Variants in EPM2A observed in about 807,000 individuals in gnomAD.
EPM2A encodes the protein EPM2A glucan phosphatase, laforin.
In EPM2A, 21 loss-of-function variants were observed where a neutral mutation model predicts 26.5. That is an observed-to-expected ratio of 0.79 (90% CI 0.56 to 1.14). EPM2A has a LOEUF of 1.14. Ranked by LOEUF, EPM2A falls within the 50% of genes most tolerant of loss-of-function variation. EPM2A has a pLI of 0.00. For missense variants in EPM2A, 458 were observed against 440.8 expected (o/e 1.04, Z -0.35); for synonymous variants, 217 against 177.6 (o/e 1.22, Z -1.76).
chr6:145,649,763 C>T lies in EPM2A; in HGVS notation c.477-14277G>A, dbSNP rs1406311023. 4.6e-5 allele frequency among the ~76,000 whole-genome samples: 7 copies of T among 152,188 alleles called. No homozygotes were observed. In the East Asian group the frequency reaches 1.3e-3, roughly 29 times the overall value. On this transcript the variant is annotated intron_variant, in intron 2 of 3. Transcript: ENST00000367519. ...CCACACTCATTTGTTTACATATTGT[C>T]ACAGCTACTTTCCCACTGCAAAGAG... is the stretch of plus-strand genomic sequence containing the variant.
chr6:145,493,474 T>G (rs1252654495), intron 4 of EPM2A, among the ~76,000 whole-genome samples: 3 of 152,232 alleles, frequency 2.0e-5, no homozygotes, highest in East Asian at 3.9e-4. Context: ...TTGAATGCCC[T>G]TTATTTCTTT....
At chr6:145,690,495 C>T (rs569392566) in intron 1 of EPM2A, among the ~76,000 whole-genome samples, 90 of 118,668 alleles carry the variant, frequency 7.6e-4, no homozygotes, top group African/African-American at 2.4e-3. Flanking sequence ...CCGGCCTGGG[C>T]GACAGAGCGA....
chr6:145,667,907 C>T lies in EPM2A; in HGVS notation c.476+18215G>A, dbSNP rs924717983. 7.3e-5 allele frequency among the ~76,000 whole-genome samples: 11 copies of T among 150,668 alleles called. No individual in the cohort carries two copies. The South Asian group carries it at 1.3e-3, about 17-fold the overall frequency. Reference sequence around the variant, plus strand: ...GAAATCATCATTCTCAGTAAACTATCGCAAGAACAAAAAACCAAACACCGT... The same window carrying T: ...GAAATCATCATTCTCAGTAAACTATTGCAAGAACAAAAAACCAAACACCGT... On this transcript the variant is annotated intron_variant, in intron 2 of 3. Coordinates refer to ENST00000367519, the MANE Select transcript of EPM2A (RefSeq NM_005670.4).
intron 4 of EPM2A, among the ~76,000 whole-genome samples, chr6:145,484,823 C>A (rs1436254547): frequency 3.3e-5 from 5 of 151,496 alleles, no homozygotes; most frequent in Non-Finnish European, 7.4e-5. Context: ...ATCCCCAAGT[C>A]ATGGCTGCCT....
At chr6:145,562,635 G>A (rs1419517894) in intron 2 of EPM2A, among the ~76,000 whole-genome samples, 2 of 152,008 alleles carry the variant, frequency 1.3e-5, no homozygotes, top group African/African-American at 2.4e-5. Flanking sequence ...TAGAATTCAG[G>A]TCTGGGGAGG....
intron 2 of EPM2A, among the ~76,000 whole-genome samples, chr6:145,580,858 T>C (rs189269143): frequency 2.6e-5 from 4 of 152,336 alleles, no homozygotes; most frequent in Admixed American, 2.0e-4. Flanking sequence ...CTCATTCTTT[T>C]CTATGGCTGC....
At chr6:145,663,117 G>T (rs1778854138) in intron 2 of EPM2A, among the ~76,000 whole-genome samples, 1 of 152,170 alleles carries the variant, frequency 6.6e-6, no homozygotes, top group Non-Finnish European at 1.5e-5. Flanking sequence ...ACTCTGCACT[G>T]TAAAATCCTC....
intron 2 of EPM2A, among the ~76,000 whole-genome samples, chr6:145,613,996 A>G (rs563533918): frequency 6.6e-6 from 1 of 152,356 alleles, no homozygotes; most frequent in South Asian, 2.1e-4. Flanking sequence ...TTTAGCTATG[A>G]AAGTCTTAAA....
At chr6:145,404,948 T>C (rs1481770696) in intron 4 of EPM2A, among the ~76,000 whole-genome samples, 5 of 152,108 alleles carry the variant, frequency 3.3e-5, no homozygotes, top group Non-Finnish European at 5.9e-5. Context: ...AAGATGTAAA[T>C]ACAATTTATA....
intron 4 of EPM2A, among the ~76,000 whole-genome samples, chr6:145,449,562 C>T (rs549858305): frequency 2.6e-5 from 4 of 152,190 alleles, no homozygotes; most frequent in Non-Finnish European, 4.4e-5. Flanking sequence ...AGCAAGCCCC[C>T]GCACAAGCCC....
chr6:145,629,841 A>G (rs1219611253), intron 3 of EPM2A: 1 of 152,330 alleles, frequency 6.6e-6, no homozygotes, highest in Non-Finnish European at 1.5e-5. Context: ...CAGTATGTGA[A>G]TAGCCCACAG....
intron 4 of EPM2A, among the ~76,000 whole-genome samples, chr6:145,425,846 TCA>T (rs1478505882): frequency 1.3e-5 from 2 of 152,094 alleles, no homozygotes; most frequent in Non-Finnish European, 2.9e-5. Flanking sequence ...TCCTTTCCAC[TCA>T]CAAAGACTGC....
At chr6:145,692,045 C>A (rs1005159747) in intron 1 of EPM2A, among the ~76,000 whole-genome samples, 41 of 151,730 alleles carry the variant, frequency 2.7e-4, no homozygotes, top group Admixed American at 1.1e-3. Context: ...ATATACTATG[C>A]AAACATTAAT....
At chr6:145,697,729 T>C (rs996507969) in intron 1 of EPM2A, among the ~76,000 whole-genome samples, 1 of 152,196 alleles carries the variant, frequency 6.6e-6, no homozygotes, top group African/African-American at 2.4e-5. Context: ...AAGAGAAATA[T>C]GGCTCTGTTC....
At chr6:145,483,121 TTTC>T (rs1414045311) in intron 4 of EPM2A, among the ~76,000 whole-genome samples, 1 of 149,844 alleles carries the variant, frequency 6.7e-6, no homozygotes, top group African/African-American at 2.4e-5. Context: ...TCAAAGTTTC[TTTC>T]TTTTTTTTTA....
At chr6:145,608,803 C>A (rs1051796176) in intron 2 of EPM2A, among the ~76,000 whole-genome samples, 2 of 152,112 alleles carry the variant, frequency 1.3e-5, no homozygotes, top group Non-Finnish European at 2.9e-5. Flanking sequence ...GAGCCAGCTC[C>A]CATTATAAGC....
At chr6:145,419,191 C>CAG (rs1778750150) in intron 4 of EPM2A, among the ~76,000 whole-genome samples, 1 of 141,420 alleles carries the variant, frequency 7.1e-6, no homozygotes, top group East Asian at 2.4e-4. Context: ...CCCCCCCCCC[C>CAG]GCTCCTTTCC....
intron 1 of EPM2A, among the ~76,000 whole-genome samples, chr6:145,694,703 AC>A (rs890416544): frequency 6.6e-6 from 1 of 152,038 alleles, no homozygotes; most frequent in African/African-American, 2.4e-5. Context: ...TGATCATGAG[AC>A]CACCAAAGAG....
rs379805 is a variant in EPM2A at position 145,536,277 on chromosome 6, G to T, written c.341-33702C>A. On this transcript the variant is annotated intron_variant, in intron 2 of 3. Coordinates refer to the EPM2A transcript ENST00000450221. ...TGTTTTTGTTTTTGTTTTTGTTTTT[G>T]TTTTGGTTTTTGGTTTTGTTTGTTT... Among the ~76,000 whole-genome samples, 19 of 49,338 alleles carry T rather than the reference G, an allele frequency of 3.9e-4. No homozygotes were observed. In the South Asian group the frequency reaches 4.1e-3, roughly 11 times the overall value. 32.4% of individuals were successfully genotyped at this position (49,338 alleles called of 152,430 possible).
Sources: gnomAD v4.1 joint callset for allele counts (sites outside exome capture counted in the v4.1 genomes callset) on GRCh38, gnomAD v4.1.1 for gene constraint, MANE v1.5 for transcripts, NCBI Gene and HGNC (gene_info 2026-07-23, HGNC 2026-07-21) for gene names.